Variants in FUT8 observed in about 807,000 individuals in gnomAD.
FUT8 encodes fucosyltransferase 8.
FUT8 carries 29 observed loss-of-function variants against 71.3 expected under a neutral mutation model. The ratio of observed to expected loss-of-function variants is 0.41; its 90% CI spans 0.30 to 0.55. FUT8 has a LOEUF of 0.55. Among genes scored for constraint, FUT8 ranks in the 20% least tolerant of loss-of-function variants. FUT8 has a pLI of 0.34. For synonymous variants in FUT8, 254 were observed against 239.3 expected, an observed-to-expected ratio of 1.06 and a Z score of -0.57; for missense variants, 544 against 702.1, an observed-to-expected ratio of 0.77 and a Z score of 2.55.
At chr14:65,426,184 A>G (rs980851021) in intron 1 of FUT8, among the ~76,000 whole-genome samples, 3 of 152,028 alleles carry the variant, frequency 2.0e-5, no homozygotes, top group Admixed American at 2.0e-4. Context: ...TTTAGATTCC[A>G]TATATAAGTA....
At position 65,424,445 on chromosome 14, in the gene FUT8, A is replaced by T. The variant is rs958256826; in HGVS notation, c.-326+11231A>T. 1.4e-4 allele frequency among the ~76,000 whole-genome samples: 22 copies of T among 152,004 alleles called. 1 individual carries two copies. Among genetic ancestry groups the T allele is most frequent in the Non-Finnish European group, 2.1e-4 (14 of 68,018 alleles). On this transcript the variant is annotated intron_variant, in intron 1 of 10. Transcript: ENST00000673929. ...TTAACTTTTTATAATAGATTTGTAT[A>T]TATTTGTAGTAGTAAATGATAAAAT... is the stretch of plus-strand genomic sequence containing the variant.
At chr14:65,626,523 AATTC>A (rs1270566872) in intron 5 of FUT8, among the ~76,000 whole-genome samples, 4 of 152,150 alleles carry the variant, frequency 2.6e-5, no homozygotes, top group Admixed American at 2.6e-4. Flanking sequence ...TGGACTTTAA[AATTC>A]ATTGCTTGGG....
chr14:65,616,181 A>G (rs772401093), intron 4 of FUT8, 30 bp from the exon 5 acceptor site: 22 of 1,597,568 alleles, frequency 1.4e-5, no homozygotes, highest in Non-Finnish European at 1.8e-5. Flanking sequence ...AATGTTGGAA[A>G]TGCTACAACT....
rs981282897 is a variant in FUT8, at chr14:65,524,155, C to A, written c.-227-37182C>A. On this transcript the variant is annotated intron_variant, in intron 2 of 10. Coordinates refer to ENST00000673929, the MANE Select transcript of FUT8 (RefSeq NM_001371533.1). ...GGGGATGGCATTGAATCTATAAATT[C>A]CCTTGGGCAGTATGGCCATTTTCAC... is the stretch of plus-strand genomic sequence containing the variant. 7.9e-5 allele frequency among the ~76,000 whole-genome samples: 12 copies of A among 152,052 alleles called. No individual in the cohort carries two copies. The South Asian group carries it at 1.5e-3, about 18-fold the overall frequency.
At chr14:65,477,859 C>CT (rs79007912) in intron 2 of FUT8, among the ~76,000 whole-genome samples, 3,066 of 143,136 alleles carry the variant, frequency 0.021, 95 homozygotes, top group African/African-American at 0.068. Flanking sequence ...TTTGTGATGT[C>CT]TTTTTTTTTT....
At chr14:65,407,733 A>G (rs2065093238), upstream of FUT8, among the ~76,000 whole-genome samples, 1 of 152,264 alleles carries the variant, frequency 6.6e-6, no homozygotes, top group Non-Finnish European at 1.5e-5. Flanking sequence ...ATTATTTTGT[A>G]GAATTAATAG....
chr14:65,441,862 A>G (rs1595380699), intron 1 of FUT8, among the ~76,000 whole-genome samples: 1 of 150,284 alleles, frequency 6.7e-6, no homozygotes, highest in South Asian at 2.1e-4. Flanking sequence ...GGTTTGTTAC[A>G]TATGTATACA....
At chr14:65,622,022 C>T (rs956241327) in intron 5 of FUT8, among the ~76,000 whole-genome samples, 1 of 152,174 alleles carries the variant, frequency 6.6e-6, no homozygotes, top group African/African-American at 2.4e-5. Flanking sequence ...CGGGATTTCA[C>T]CATGTTGGCC....
intron 2 of FUT8, among the ~76,000 whole-genome samples, chr14:65,468,679 T>A (rs1020721654): frequency 1.3e-5 from 2 of 152,222 alleles, no homozygotes; most frequent in African/African-American, 4.8e-5. Flanking sequence ...TCTTGCTTGG[T>A]GTTCTCTGAA....
chr14:65,592,487 A>G (rs896987714), intron 3 of FUT8, among the ~76,000 whole-genome samples: 20 of 152,110 alleles, frequency 1.3e-4, no homozygotes, highest in African/African-American at 4.6e-4. Context: ...ATAGATAGAT[A>G]TATTAAAGGA....
the FUT8 span, among the ~76,000 whole-genome samples, chr14:65,376,193 T>A: frequency 3.3e-5 from 5 of 152,174 alleles, no homozygotes; most frequent in African/African-American, 1.2e-4. Context: ...AAAATTTCTA[T>A]TTGTCAAGTA....
intron 6 of FUT8, among the ~76,000 whole-genome samples, chr14:65,644,218 C>T (rs372780466): frequency 6.6e-6 from 1 of 152,212 alleles, no homozygotes; most frequent in African/African-American, 2.4e-5. Flanking sequence ...TATTCAACTT[C>T]TGGTGCTGTC....
the FUT8 span, among the ~76,000 whole-genome samples, chr14:65,395,043 C>T: frequency 1.3e-5 from 2 of 152,188 alleles, no homozygotes; most frequent in South Asian, 4.1e-4. Flanking sequence ...CGCCCAGCTA[C>T]AGTCAAACCT....
intron 2 of FUT8, among the ~76,000 whole-genome samples, chr14:65,471,670 C>G (rs558559563): frequency 6.6e-6 from 1 of 152,056 alleles, no homozygotes; most frequent in Non-Finnish European, 1.5e-5. Context: ...CTTGTCTCTC[C>G]AGGTTTTAGA....
rs565567217 is a variant in FUT8 at position 65,480,655 on chromosome 14, A to G, written c.-228+24937A>G. On this transcript the variant is annotated intron_variant, in intron 2 of 10. Transcript: ENST00000673929. Reference sequence around the variant, plus strand: ...GACACCACTTTTGATTCTTCTGGGTATGTATCCAGAAGTGGAATCACTGGT... The same window carrying G: ...GACACCACTTTTGATTCTTCTGGGTGTGTATCCAGAAGTGGAATCACTGGT... Among the ~76,000 whole-genome samples, 15 of 151,772 alleles carry G rather than the reference A, an allele frequency of 9.9e-5. No homozygotes were observed. In the South Asian group the frequency reaches 2.5e-3, roughly 25 times the overall value.
intron 5 of FUT8, among the ~76,000 whole-genome samples, chr14:65,616,848 A>C (rs1293771346): frequency 2.6e-5 from 4 of 152,146 alleles, no homozygotes; most frequent in African/African-American, 7.2e-5. Flanking sequence ...TTTAAGTAAA[A>C]AGGAGCATTC....
chr14:65,541,895 G>A (rs749761648), intron 2 of FUT8, among the ~76,000 whole-genome samples: 12 of 152,136 alleles, frequency 7.9e-5, no homozygotes, highest in Non-Finnish European at 1.2e-4. Context: ...TATACATAGA[G>A]GAGATTTTCT....
At position 65,700,515 on chromosome 14, in the gene FUT8, C is replaced by T. The variant is rs1208961635; in HGVS notation, c.836-21260C>T. Among the ~76,000 whole-genome samples, 5 of 151,336 alleles carry T rather than the reference C, an allele frequency of 3.3e-5. No individual in the cohort carries two copies. The East Asian group carries it at 7.8e-4, about 23-fold the overall frequency. ...ACACCATTCTCCTGCCTCAGCCTCC[C>T]GAGTAGCTGGGACTACAGGCACCCG... On this transcript the variant is annotated intron_variant, in intron 7 of 10. Coordinates refer to ENST00000673929, the MANE Select transcript of FUT8 (RefSeq NM_001371533.1).
chr14:65,681,492 T>G (rs900310991), intron 7 of FUT8, among the ~76,000 whole-genome samples: 8 of 152,244 alleles, frequency 5.3e-5, no homozygotes, highest in Non-Finnish European at 1.2e-4. Context: ...TATATTTGCA[T>G]TGGTTAAAAT....
Sources: gnomAD v4.1 joint callset for allele counts (sites outside exome capture counted in the v4.1 genomes callset) on GRCh38, gnomAD v4.1.1 for gene constraint, MANE v1.5 for transcripts, NCBI Gene and HGNC (gene_info 2026-07-23, HGNC 2026-07-21) for gene names.